Variants in PCDH11X observed in about 807,000 individuals in gnomAD.
PCDH11X encodes the protein protocadherin 11 X-linked, also known as protocadherin-11 X-linked.
In PCDH11X, 18 loss-of-function variants were observed where a neutral mutation model predicts 53.3. That is an observed-to-expected ratio of 0.34 (90% CI 0.23 to 0.50). The LOEUF is 0.50. Among genes scored for constraint, PCDH11X ranks in the 20% least tolerant of loss-of-function variants. The pLI is 0.98. For synonymous variants in PCDH11X, 279 were observed against 393.3 expected (o/e 0.71, Z 3.44); for missense variants, 570 against 1,032.4 (o/e 0.55, Z 6.14).
intron 6 of PCDH11X, among the ~76,000 whole-genome samples, chrX:92,032,638 T>C (rs543050538): frequency 8.2e-4 from 91 of 110,723 alleles, no homozygotes; most frequent in South Asian, 3.5e-3. Flanking sequence ...TGGCTTTTAT[T>C]ATATTGAGGT....
chrX:92,587,887 T>C (rs1178220478), intron 10 of PCDH11X, among the ~76,000 whole-genome samples: 2 of 111,420 alleles, frequency 1.8e-5, no homozygotes, highest in East Asian at 5.6e-4. Flanking sequence ...AGTTTCCTTT[T>C]CATCATGATA....
chrX:92,042,258 A>C (rs2063219973), intron 6 of PCDH11X, among the ~76,000 whole-genome samples: 1 of 110,344 alleles, frequency 9.1e-6, no homozygotes, highest in Admixed American at 9.8e-5. Flanking sequence ...ATAATGTCAC[A>C]TTCTTCGGTG....
At chrX:92,288,632 G>A (rs997582950) in intron 8 of PCDH11X, among the ~76,000 whole-genome samples, 3 of 111,002 alleles carry the variant, frequency 2.7e-5, no homozygotes, top group African/African-American at 9.8e-5. Context: ...TCATTTCTTT[G>A]CACATGCCTT....
rs769905892 is a variant in PCDH11X, at chrX:92,238,703, A to G, written c.3115-24411A>G. 1.2e-4 allele frequency among the ~76,000 whole-genome samples: 13 copies of G among 111,957 alleles called. No individual in the cohort carries two copies. The South Asian group carries it at 1.5e-3, about 13-fold the overall frequency. On this transcript the variant is annotated intron_variant, in intron 7 of 10. Coordinates refer to ENST00000682573, the MANE Select transcript of PCDH11X (RefSeq NM_032968.5). Reference sequence around the variant, plus strand: ...GTCTAGACTGGCAAAATAATTGTATATAATTCATACAATTAAATAAATATT... The same window carrying G: ...GTCTAGACTGGCAAAATAATTGTATGTAATTCATACAATTAAATAAATATT...
chrX:92,192,812 C>T (rs2066220465), intron 6 of PCDH11X, among the ~76,000 whole-genome samples: 1 of 111,127 alleles, frequency 9.0e-6, no homozygotes, highest in Non-Finnish European at 1.9e-5. Context: ...TGTTTTGGCT[C>T]ACTGCAACCT....
At chrX:92,015,696 T>C (rs1200600118) in intron 6 of PCDH11X, among the ~76,000 whole-genome samples, 1 of 111,964 alleles carries the variant, frequency 8.9e-6, no homozygotes, top group Non-Finnish European at 1.9e-5. Flanking sequence ...GTCTAGTTCT[T>C]TTGCTACTTC....
chrX:92,575,970 C>CACACACACA (rs1922854790), intron 10 of PCDH11X, among the ~76,000 whole-genome samples: 1 of 50,353 alleles, frequency 2.0e-5, no homozygotes, highest in African/African-American at 8.1e-5. Context: ...CACACACACA[C>CACACACACA]CTGGGGTGTA....
intron 9 of PCDH11X, among the ~76,000 whole-genome samples, chrX:92,430,002 G>T (rs1189441407): frequency 9.1e-6 from 1 of 109,793 alleles, no homozygotes; most frequent in Non-Finnish European, 1.9e-5. Context: ...TTGGAGAACA[G>T]TTATCAATGA....
At chrX:91,941,217 A>G (rs1240664945) in intron 6 of PCDH11X, among the ~76,000 whole-genome samples, 3 of 111,321 alleles carry the variant, frequency 2.7e-5, no homozygotes. Context: ...AAACAAAAAA[A>G]CAAATTCTTA....
At chrX:92,070,126 T>C (rs1184760931) in intron 6 of PCDH11X, among the ~76,000 whole-genome samples, 2 of 112,239 alleles carry the variant, frequency 1.8e-5, no homozygotes, top group African/African-American at 6.5e-5. Flanking sequence ...TTTTGCTGTG[T>C]CTTGCAAAAA....
chrX:92,146,819 C>T (rs1168823346), intron 6 of PCDH11X, among the ~76,000 whole-genome samples: 4 of 110,057 alleles, frequency 3.6e-5, no homozygotes, highest in Middle Eastern at 4.7e-3. Flanking sequence ...GCCAGCAAGG[C>T]GAAACCCCAT....
chrX:92,325,521 A>T (rs777254619), intron 8 of PCDH11X, among the ~76,000 whole-genome samples: 2 of 111,454 alleles, frequency 1.8e-5, no homozygotes, highest in East Asian at 5.7e-4. Flanking sequence ...AGGTACCAAA[A>T]CTTATTTTAA....
At chrX:92,366,598 G>GAT (rs754319907) in intron 8 of PCDH11X, among the ~76,000 whole-genome samples, 4 of 42,229 alleles carry the variant, frequency 9.5e-5, no homozygotes, top group South Asian at 1.7e-3. Flanking sequence ...GTTGATTTCA[G>GAT]CTTTCTTTCC....
chrX:92,090,101 C>T (rs996302712), intron 6 of PCDH11X, among the ~76,000 whole-genome samples: 4 of 110,910 alleles, frequency 3.6e-5, no homozygotes, highest in East Asian at 2.8e-4. Context: ...AACTTTTCTA[C>T]AGTCTACATT....
intron 9 of PCDH11X, among the ~76,000 whole-genome samples, chrX:92,458,496 A>C (rs1331696424): frequency 2.7e-5 from 3 of 111,100 alleles, no homozygotes; most frequent in Non-Finnish European, 3.8e-5. Flanking sequence ...CTATGTTTGT[A>C]CACATTAACT....
At chrX:92,284,376 A>C (rs2068315240) in intron 8 of PCDH11X, among the ~76,000 whole-genome samples, 1 of 110,814 alleles carries the variant, frequency 9.0e-6, no homozygotes, top group Admixed American at 9.7e-5. Context: ...TCCAGTTATT[A>C]GACATTATAA....
chrX:92,569,039 G>T (rs933472665), intron 10 of PCDH11X, among the ~76,000 whole-genome samples: 20 of 111,026 alleles, frequency 1.8e-4, no homozygotes, highest in Non-Finnish European at 3.0e-4. Context: ...TATATTTCTG[G>T]TTCATTATTG....
chrX:92,432,222 CT>C (rs1280847182), intron 9 of PCDH11X, among the ~76,000 whole-genome samples: 1 of 110,373 alleles, frequency 9.1e-6, no homozygotes, highest in East Asian at 2.8e-4. Flanking sequence ...TGGCACCATT[CT>C]CTTAAAGTTT....
chrX:92,590,022 C>CT (rs766992458), intron 10 of PCDH11X, among the ~76,000 whole-genome samples: 1,045 of 103,813 alleles, frequency 0.01, 12 homozygotes, highest in African/African-American at 0.033. Flanking sequence ...ATATATTTTT[C>CT]TTTTTTTTTT....
Sources: gnomAD v4.1 joint callset for allele counts (sites outside exome capture counted in the v4.1 genomes callset) on GRCh38, gnomAD v4.1.1 for gene constraint, MANE v1.5 for transcripts, NCBI Gene and HGNC (gene_info 2026-07-23, HGNC 2026-07-21) for gene names.